Variants in PLCB1 observed in about 807,000 individuals in gnomAD.
The protein encoded by PLCB1 is phospholipase C beta 1.
PLCB1 carries 46 observed loss-of-function variants against 161.8 expected under a neutral mutation model. That is an observed-to-expected ratio of 0.28 (90% CI 0.22 to 0.36). PLCB1 has a LOEUF of 0.36. Ranked by LOEUF, PLCB1 falls within the 10% of genes least tolerant of loss-of-function variation. The pLI, the probability that PLCB1 is intolerant of heterozygous loss-of-function variation, is 1.00. For missense variants in PLCB1, 1,016 were observed against 1,472.5 expected, an observed-to-expected ratio of 0.69 and a Z score of 5.07; for synonymous variants, 517 against 503.7, an observed-to-expected ratio of 1.03 and a Z score of -0.35.
intron 7 of PLCB1, chr20:8,653,115 A>C (rs570420372): frequency 6.6e-6 from 1 of 152,132 alleles, no homozygotes; most frequent in East Asian, 1.9e-4. Context: ...TTGCCACAGC[A>C]CTGGCATACG....
chr20:8,502,036 T>G (rs1983445203), intron 3 of PLCB1, among the ~76,000 whole-genome samples: 2 of 151,412 alleles, frequency 1.3e-5, no homozygotes. Context: ...GACATAAAAT[T>G]TATGGTTAAT....
chr20:8,486,055 G>C (rs552566769), intron 3 of PLCB1, among the ~76,000 whole-genome samples: 1 of 152,134 alleles, frequency 6.6e-6, no homozygotes, highest in Non-Finnish European at 1.5e-5. Flanking sequence ...AAGAATGAGT[G>C]GGGGGAAAAG....
intron 31 of PLCB1, among the ~76,000 whole-genome samples, chr20:8,808,655 A>G (rs1316166748): frequency 1.3e-5 from 2 of 152,230 alleles, no homozygotes; most frequent in African/African-American, 4.8e-5. Flanking sequence ...TGACTTGCAT[A>G]GTGATAGATA....
chr20:8,462,830 C>A (rs1438425651), intron 3 of PLCB1, among the ~76,000 whole-genome samples: 4 of 151,768 alleles, frequency 2.6e-5, no homozygotes, highest in Admixed American at 2.6e-4. Context: ...CAAAACACTT[C>A]GTTTTCCTGA....
intron 10 of PLCB1, among the ~76,000 whole-genome samples, chr20:8,690,148 TTG>T (rs111952083): frequency 0.64 from 87,521 of 136,590 alleles, 28,023 homozygotes; most frequent in Non-Finnish European, 0.74. Flanking sequence ...GTTTTTGCTG[TTG>T]TTTTTTTTTT....
At position 8,247,174 on chromosome 20, in the gene PLCB1, A is replaced by G. The variant is rs540383842; in HGVS notation, c.177+96803A>G. Among the ~76,000 whole-genome samples the G allele has an allele frequency of 5.9e-5, 9 of 152,098 alleles. No individual in the cohort carries two copies. In the South Asian group the frequency reaches 8.3e-4, roughly 14 times the overall value. On this transcript the variant is annotated intron_variant, in intron 2 of 31. Coordinates refer to ENST00000338037, the MANE Select transcript of PLCB1 (RefSeq NM_015192.4). ...AAACCTTTGCCCTATTGTGCCAAGA[A>G]AAGACATTTATCAGATGAGTAAACT... is the stretch of plus-strand genomic sequence containing the variant.
intron 2 of PLCB1, among the ~76,000 whole-genome samples, chr20:8,243,384 A>G (rs1980715930): frequency 6.6e-6 from 1 of 152,016 alleles, no homozygotes; most frequent in African/African-American, 2.4e-5. Flanking sequence ...GGACCTAGCC[A>G]TTCTGTAATG....
At chr20:8,138,249 A>G (rs187370828) in intron 1 of PLCB1, among the ~76,000 whole-genome samples, 9 of 152,372 alleles carry the variant, frequency 5.9e-5, no homozygotes, top group African/African-American at 2.2e-4. Context: ...CTATCAGTAA[A>G]TAGCTTCAAG....
chr20:8,681,103 TATATATATATATATATA>T (rs1990205524), intron 9 of PLCB1, among the ~76,000 whole-genome samples: 1 of 133,034 alleles, frequency 7.5e-6, no homozygotes, highest in Admixed American at 7.7e-5. Context: ...TATATATATA[TATATATATATATATATA>T]ATATATATAA....
chr20:8,866,064 A>G (rs1314387068), intron 31 of PLCB1, among the ~76,000 whole-genome samples: 1 of 152,202 alleles, frequency 6.6e-6, no homozygotes, highest in Non-Finnish European at 1.5e-5. Context: ...TAACAAAAGG[A>G]TCTGGGCTAG....
intron 23 of PLCB1, among the ~76,000 whole-genome samples, chr20:8,755,646 A>G (rs1389067735): frequency 6.6e-6 from 1 of 152,220 alleles, no homozygotes; most frequent in Non-Finnish European, 1.5e-5. Flanking sequence ...TTACGTTTCA[A>G]TGCATTTATT....
At chr20:8,320,834 G>A (rs373988310) in intron 2 of PLCB1, among the ~76,000 whole-genome samples, 15 of 73,632 alleles carry the variant, frequency 2.0e-4, no homozygotes, top group African/African-American at 9.6e-4. Flanking sequence ...AGGGAGAGAG[G>A]GAGGGAGGGA....
Position 8,870,698 on chromosome 20 carries a change from T to C in PLCB1, c.3424-10924T>C, listed in dbSNP as rs189529384. 4.6e-3 allele frequency among the ~76,000 whole-genome samples: 702 copies of C among 152,308 alleles called. 4 individuals are homozygous for C. The highest frequency in any genetic ancestry group is 0.015 in the African/African-American group (642 of 41,574). On this transcript the variant is annotated intron_variant, in intron 31 of 31. Coordinates refer to ENST00000338037, the MANE Select transcript of PLCB1 (RefSeq NM_015192.4). ...GTATTTTGCCTACCTCGTCCTTGAC[T>C]CCTCCAACCTTCCTTTCTGGCAACT...
At chr20:8,808,288 TCTC>T (rs1984639989) in intron 31 of PLCB1, among the ~76,000 whole-genome samples, 1 of 152,118 alleles carries the variant, frequency 6.6e-6, no homozygotes, top group African/African-American at 2.4e-5. Context: ...TGGGGAGGCT[TCTC>T]CTCTGGGTTT....
intron 2 of PLCB1, among the ~76,000 whole-genome samples, chr20:8,354,631 A>T (rs935915009): frequency 3.3e-5 from 5 of 152,214 alleles, no homozygotes; most frequent in Admixed American, 6.5e-5. Flanking sequence ...GGAGGCTCTG[A>T]TACACTTTGG....
chr20:8,670,638 A>G (rs1051904831), intron 9 of PLCB1, among the ~76,000 whole-genome samples: 14 of 152,346 alleles, frequency 9.2e-5, no homozygotes, highest in African/African-American at 3.4e-4. Context: ...GGTGCAGAAC[A>G]TACTGACTCC....
Position 8,405,547 on chromosome 20 carries a change from T to C in PLCB1, c.246+34097T>C, listed in dbSNP as rs750695810. ...CAGTCATGTTGCAAAAGGATGTGGA[T>C]ACAGGGAAGGTGAAGAATTGTGGCC... On this transcript the variant is annotated intron_variant, in intron 3 of 31. Transcript: ENST00000338037. 1.8e-4 allele frequency among the ~76,000 whole-genome samples: 28 copies of C among 152,308 alleles called. 1 individual carries two copies. Among genetic ancestry groups the C allele is most frequent in the South Asian group, 4.1e-4 (2 of 4,832 alleles).
rs1319465777 is a variant in PLCB1, at chr20:8,662,541, ATAAT to A, written c.862+3840_862+3843del. ...AATTTTTTATAATTATGTGTAATAT[ATAAT>A]TATTTATCATATAATTACAATATAT... On this transcript the variant is annotated intron_variant, in intron 9 of 31. Transcript: ENST00000338037. Among the ~76,000 whole-genome samples the A allele has an allele frequency of 4.2e-5, 6 of 144,372 alleles. 1 individual carries two copies. Among genetic ancestry groups the A allele is most frequent in the East Asian group, 2.0e-4 (1 of 5,028 alleles). 94.7% of individuals were successfully genotyped at this position (144,372 alleles called of 152,430 possible). A position where few individuals can be genotyped will look rare whatever the true frequency, so the allele number is the denominator to read the frequency against.
At chr20:8,441,523 G>A (rs1980558137) in intron 3 of PLCB1, among the ~76,000 whole-genome samples, 1 of 152,120 alleles carries the variant, frequency 6.6e-6, no homozygotes, top group East Asian at 1.9e-4. Context: ...ATATCAATAA[G>A]AAATAATAAA....
Sources: allele counts gnomAD v4.1 joint callset (sites outside exome capture counted in the v4.1 genomes callset), GRCh38; gene constraint gnomAD v4.1.1; transcripts MANE v1.5; gene names NCBI Gene and HGNC (gene_info 2026-07-23, HGNC 2026-07-21).